Variants in LEMD2 observed in about 807,000 individuals in gnomAD.
LEMD2 encodes the protein LEM domain nuclear envelope protein 2.
In LEMD2, 34 loss-of-function variants were observed where a neutral mutation model predicts 58.8. The observed-to-expected ratio is 0.58, with a 90% confidence interval of 0.44 to 0.77. The LOEUF (loss-of-function observed/expected upper bound fraction) is 0.77. LEMD2 is among the 30% of genes least tolerant of loss of function. The probability of loss-of-function intolerance (pLI) is 0.00; values close to 1 mark genes in which losing one functional copy is unlikely to be tolerated. For missense variants in LEMD2, 629 were observed against 717.9 expected, an observed-to-expected ratio of 0.88 and a Z score of 1.42; for synonymous variants, 298 against 308.9, an observed-to-expected ratio of 0.96 and a Z score of 0.37.
chr6:33,786,832 A>G (rs901641127), intron 1 of LEMD2, 58 bp from the exon 2 acceptor site: 15 of 1,605,612 alleles, frequency 9.3e-6, no homozygotes, highest in Non-Finnish European at 1.3e-5. Context: ...AAGGAATACA[A>G]AAAGAGACTA....
chr6:33,776,910 G>A (rs780873319), intron 8 of LEMD2, 44 bp downstream of exon 8: 1 of 1,506,552 alleles, frequency 6.6e-7, no homozygotes, highest in Non-Finnish European at 9.2e-7. Flanking sequence ...AGTGGGGTCG[G>A]ACCCCATCTT....
intron 2 of LEMD2, 50 bp from the exon 3 acceptor site, chr6:33,784,477 G>GGGGGGGCCCC: frequency 2.3e-6 from 1 of 430,808 alleles, no homozygotes. Context: ...GGTGGGAGGG[G>GGGGGGGCCCC]TCCGTCTGTC....
At chr6:33,786,618 CATTACA>C in intron 2 of LEMD2, 110 bp downstream of exon 2, 1 of 749,494 alleles carries the variant, frequency 1.3e-6, no homozygotes, top group Non-Finnish European at 2.3e-6. Flanking sequence ...GACTCTGGTA[CATTACA>C]GGAAGCACTC....
At position 33,777,251 on chromosome 6, in the gene LEMD2, C is replaced by T. The variant is rs778576639; in HGVS notation, c.1157-12G>A. ...CAAAAAAGCCAAGCCTGTGAGGGAA[C>T]AAAACACTGTTAATCCCTCACACTT... On this transcript the variant is annotated splice_polypyrimidine_tract_variant and intron_variant, in intron 6 of 8. Transcript: ENST00000293760. 1.9e-6 allele frequency: 3 copies of T among 1,547,704 alleles called. No homozygotes were observed. Among genetic ancestry groups the T allele is most frequent in the Non-Finnish European group, 2.7e-6 (3 of 1,119,486 alleles).
intron 3 of LEMD2, among the ~76,000 whole-genome samples, chr6:33,783,780 G>A (rs1439476257): frequency 6.6e-6 from 1 of 152,208 alleles, no homozygotes; most frequent in Non-Finnish European, 1.5e-5. Flanking sequence ...CTCATTTGTA[G>A]AGAACAGACA....
At chr6:33,780,221 G>A (rs938916179) in intron 4 of LEMD2, 42 bp from the exon 5 acceptor site, 10 of 1,488,428 alleles carry the variant, frequency 6.7e-6, no homozygotes, top group East Asian at 2.4e-5. Flanking sequence ...GCGTCTGGGC[G>A]GAGCAGCTGG....
intron 8 of LEMD2, among the ~76,000 whole-genome samples, chr6:33,773,140 T>G (rs1767343368): frequency 6.6e-6 from 1 of 152,188 alleles, no homozygotes; most frequent in South Asian, 2.1e-4. Context: ...CAACTGCATC[T>G]TGATGCTGCT....
intron 2 of LEMD2, 43 bp from the exon 3 acceptor site, chr6:33,784,470 G>GTGT: frequency 2.2e-6 from 1 of 457,096 alleles, no homozygotes; most frequent in Non-Finnish European, 4.4e-6. Flanking sequence ...AGGGGTGGGT[G>GTGT]GGAGGGGTCC....
chr6:33,789,031 T>C lies in LEMD2; in HGVS notation c.86A>G (p.Asp29Gly), dbSNP rs1157711743. 1.3e-6 allele frequency: 2 copies of C among 1,557,666 alleles called. No individual in the cohort carries two copies. The highest frequency in any genetic ancestry group is 2.6e-5 in the East Asian group (1 of 38,164). ...GCGGCGCAGCTTGTTGCGGTAGACA[T>C]CCCGGGTGGTGTCGGTGATGGGTCC... The part of the protein sequence containing the change: ...QPGPITDTTR[D>G]VYRNKLRRLR... The change falls in exon 1 of 9, where the codon GAT becomes GGT. Residue 29 changes from aspartate to glycine, a missense_variant. This residue lies in a region of LEMD2 where 386 missense variants were observed against 381.1 expected (regional missense o/e 1.01). Coordinates refer to ENST00000293760, the MANE Select transcript of LEMD2 (RefSeq NM_181336.4).
chr6:33,781,516 G>A (rs6921487), intron 3 of LEMD2: 54,932 of 205,494 alleles, frequency 0.27, 7,910 homozygotes, highest in African/African-American at 0.37. Context: ...AAGGCAGGGA[G>A]GCCATGGGCA....
chr6:33,788,884 G>A lies in LEMD2; in HGVS notation c.233C>T (p.Pro78Leu). Residue 78 changes from proline to leucine, a missense_variant, in exon 1 of 9, where the codon CCC (proline) becomes CTC (leucine). Pro to Leu is a moderately conservative substitution (Grantham distance 98, BLOSUM62 -3). Around this residue, in one of 2 missense-constraint regions of LEMD2, gnomAD observed 386 missense variants for 381.1 expected, o/e 1.01. Coordinates refer to ENST00000293760, the MANE Select transcript of LEMD2 (RefSeq NM_181336.4). Reference protein sequence around the residue: ...LREDAPLRARPAAASPRAEPW... With the variant: ...LREDAPLRARLAAASPRAEPW... ...CTCCGCCCGCGGAGAGGCCGCGGCG[G>A]GCCGGGCGCGCAGCGGCGCATCCTC... 7.3e-7 allele frequency: 1 copy of A among 1,379,190 alleles called. No homozygotes were observed. Among genetic ancestry groups the A allele is most frequent in the Non-Finnish European group, 9.3e-7 (1 of 1,075,134 alleles). 85.4% of individuals were successfully genotyped at this position (1,379,190 alleles called of 1,614,324 possible).
chr6:33,783,629 A>G (rs1315602352), intron 3 of LEMD2, among the ~76,000 whole-genome samples: 1 of 152,262 alleles, frequency 6.6e-6, no homozygotes, highest in East Asian at 1.9e-4. Context: ...CGGGCAGGAC[A>G]TAATAATGCA....
chr6:33,786,645 A>T, intron 2 of LEMD2, 89 bp downstream of exon 2: 1 of 989,908 alleles, frequency 1.0e-6, no homozygotes, highest in Non-Finnish European at 1.6e-6. Context: ...CCTGAAAATG[A>T]TCCTATTCTT....
At position 33,776,534 on chromosome 6, in the gene LEMD2, T is replaced by G; in HGVS notation, c.1361+420A>C. On this transcript the variant is annotated intron_variant, in intron 8 of 8. Transcript: ENST00000293760. Reference sequence around the variant, plus strand: ...TCTGTTGATAACATCCATGGAGGAGTGTGGGACCACGAGAATCACAAGAGC... The same window carrying G: ...TCTGTTGATAACATCCATGGAGGAGGGTGGGACCACGAGAATCACAAGAGC... 1.4e-5 allele frequency: 3 copies of G among 217,250 alleles called. No homozygotes were observed. In the East Asian group the frequency reaches 3.1e-4, roughly 22 times the overall value. 13.5% of individuals were successfully genotyped at this position (217,250 alleles called of 1,614,324 possible).
chr6:33,783,968 T>C (rs566680175), intron 3 of LEMD2, among the ~76,000 whole-genome samples: 1 of 152,296 alleles, frequency 6.6e-6, no homozygotes, highest in East Asian at 1.9e-4. Context: ...AACCACCTGG[T>C]TCAGAGGGTC....
In LEMD2 at chr6:33,788,848, G is replaced by C; in HGVS notation, c.269C>G (p.Ser90Cys). ...GTAGGCCGAGCCCGAGGCCGGCTGG[G>C]AGAGCCAGGGCTCCGCCCGCGGAGA... Reference protein sequence around the residue: ...AASPRAEPWLSQPASGSAYAT... With the variant: ...AASPRAEPWLCQPASGSAYAT... Residue 90 changes from serine (S) to cysteine (C), a missense_variant, in exon 1 of 9, where the codon TCC (serine) becomes TGC (cysteine). Physicochemically the swap from Ser to Cys is moderately radical, Grantham distance 112. This residue lies in a region of LEMD2 where 386 missense variants were observed against 381.1 expected (regional missense o/e 1.01). Coordinates refer to ENST00000293760, the MANE Select transcript of LEMD2 (RefSeq NM_181336.4). 7.1e-7 allele frequency: 1 copy of C among 1,402,932 alleles called. No homozygotes were observed. The highest frequency in any genetic ancestry group is 3.1e-5 in the East Asian group (1 of 32,354). The allele number at this position is 1,402,932 out of a possible 1,614,324, so 86.9% of individuals were successfully genotyped here.
intron 5 of LEMD2, 158 bp downstream of exon 5, chr6:33,779,942 T>C (rs1173130712): frequency 1.6e-6 from 1 of 619,354 alleles, no homozygotes; most frequent in African/African-American, 1.8e-5. Flanking sequence ...TTCTTGCTTT[T>C]GTTGCCCCAC....
At chr6:33,784,477 G>GGGGGGGGGGGCGCCCC in intron 2 of LEMD2, 50 bp from the exon 3 acceptor site, 1 of 430,810 alleles carries the variant, frequency 2.3e-6, no homozygotes, top group Non-Finnish European at 4.8e-6. Context: ...GGTGGGAGGG[G>GGGGGGGGGGGCGCCCC]TCCGTCTGTC....
Position 33,780,193 on chromosome 6 carries a change from C to A in LEMD2, c.931-14G>T. ...GCTGGTCACATTCTGTGGGAGGGCG[C>A]GGGAGAAGGTTAGTTCGGCGTCTGG... On this transcript the variant is annotated splice_polypyrimidine_tract_variant and intron_variant, in intron 4 of 8. Transcript: ENST00000293760. 3 of 1,576,134 alleles carry A rather than the reference C, an allele frequency of 1.9e-6. No individual in the cohort carries two copies. Among genetic ancestry groups the A allele is most frequent in the South Asian group, 1.2e-5 (1 of 86,338 alleles).
Sources: allele counts gnomAD v4.1 joint callset (sites outside exome capture counted in the v4.1 genomes callset), GRCh38; gene constraint gnomAD v4.1.1; regional missense constraint gnomAD v4.1.1; transcripts MANE v1.5; gene names NCBI Gene and HGNC (gene_info 2026-07-23, HGNC 2026-07-21).